The following SLIT3 variants were observed in gnomAD, a reference collection of about 807,000 sequenced individuals.
SLIT3 encodes slit homolog 3 protein.
A neutral mutation model predicts 184.0 loss-of-function variants in SLIT3; 68 were observed. The ratio of observed to expected loss-of-function variants is 0.37; its 90% CI spans 0.30 to 0.45. SLIT3 has a LOEUF of 0.45. SLIT3 is among the 20% of genes least tolerant of loss of function. The pLI is 1.00. For synonymous variants in SLIT3, 831 were observed against 828.6 expected (o/e 1.00, Z -0.05); for missense variants, 1,707 against 2,026.0 (o/e 0.84, Z 3.02).
chr5:168,886,880 A>T (rs996429544), intron 4 of SLIT3, among the ~76,000 whole-genome samples: 4 of 152,190 alleles, frequency 2.6e-5, no homozygotes, highest in Admixed American at 2.0e-4. Flanking sequence ...CCATCCAAAA[A>T]CACAAGACCA....
intron 4 of SLIT3, among the ~76,000 whole-genome samples, chr5:169,167,086 C>T (rs1269578703): frequency 2.0e-5 from 3 of 151,928 alleles, no homozygotes; most frequent in Admixed American, 6.5e-5. Context: ...GGGAGGATTG[C>T]TTGAACCCAG....
At chr5:168,815,952 T>C (rs971080448) in intron 8 of SLIT3, among the ~76,000 whole-genome samples, 14 of 152,344 alleles carry the variant, frequency 9.2e-5, no homozygotes, top group African/African-American at 3.4e-4. Context: ...CTCCCCAGAC[T>C]CAGCCTTTAG....
chr5:169,062,996 A>T (rs966741578), intron 4 of SLIT3, among the ~76,000 whole-genome samples: 2 of 152,244 alleles, frequency 1.3e-5, no homozygotes, highest in African/African-American at 4.8e-5. Context: ...CACATTTTGT[A>T]ATATAAACTG....
chr5:168,666,650 C>T lies in SLIT3; in HGVS notation c.4376G>A (p.Arg1459His), dbSNP rs377105365. Residue 1459 changes from arginine to histidine, a missense_variant, in exon 36 of 36, where the codon CGC becomes CAC. Physicochemically the swap from Arg to His is conservative, Grantham distance 29. Coordinates refer to ENST00000519560, the MANE Select transcript of SLIT3 (RefSeq NM_003062.4). Reference sequence around the variant, plus strand: ...ACATGATGCATAACCTTTCTGGCGGCGGATCACCTCTCGGACTACTTGTCC... The same window carrying T: ...ACATGATGCATAACCTTTCTGGCGGTGGATCACCTCTCGGACTACTTGTCC... ...CLGQVVREVI[R>H]RQKGYASCAT... 28 of 1,614,060 alleles carry T rather than the reference C, an allele frequency of 1.7e-5. No homozygotes were observed. The highest frequency in any genetic ancestry group is 1.6e-4 in the East Asian group (7 of 44,894).
chr5:168,792,631 C>T (rs1013811354), intron 10 of SLIT3, among the ~76,000 whole-genome samples: 2 of 152,156 alleles, frequency 1.3e-5, no homozygotes, highest in African/African-American at 4.8e-5. Flanking sequence ...GAATGAGTTG[C>T]TCTGCCTAAG....
chr5:169,065,885 T>C (rs1349599203), intron 4 of SLIT3, among the ~76,000 whole-genome samples: 1 of 152,238 alleles, frequency 6.6e-6, no homozygotes, highest in Non-Finnish European at 1.5e-5. Context: ...TTAGGTATCA[T>C]ACATATAGTC....
chr5:168,998,611 G>A (rs927068583), intron 4 of SLIT3, among the ~76,000 whole-genome samples: 1 of 152,118 alleles, frequency 6.6e-6, no homozygotes, highest in African/African-American at 2.4e-5. Context: ...GGCCGAGGCA[G>A]GAGAATCGCT....
intron 4 of SLIT3, among the ~76,000 whole-genome samples, chr5:168,964,631 T>A (rs1278390682): frequency 6.6e-6 from 1 of 152,202 alleles, no homozygotes; most frequent in East Asian, 1.9e-4. Context: ...TTAAACACAG[T>A]CAACCTTTCA....
chr5:168,993,296 G>C (rs770475252), intron 4 of SLIT3, among the ~76,000 whole-genome samples: 1 of 152,216 alleles, frequency 6.6e-6, no homozygotes, highest in African/African-American at 2.4e-5. Context: ...TGCACTCTCA[G>C]GGGGGCTCCG....
intron 4 of SLIT3, among the ~76,000 whole-genome samples, chr5:168,939,947 G>A (rs568599294): frequency 8.1e-4 from 123 of 152,282 alleles, no homozygotes; most frequent in African/African-American, 2.8e-3. Flanking sequence ...TGAGATTAGC[G>A]GTTAAGTTCT....
chr5:169,222,411 T>A (rs1764643383), intron 3 of SLIT3, among the ~76,000 whole-genome samples: 2 of 152,214 alleles, frequency 1.3e-5, no homozygotes, highest in Admixed American at 6.5e-5. Context: ...GTCTTTATAT[T>A]TCCCACCATT....
chr5:169,239,844 A>T (rs1017023376), intron 3 of SLIT3, among the ~76,000 whole-genome samples: 9 of 151,970 alleles, frequency 5.9e-5, no homozygotes, highest in Non-Finnish European at 1.3e-4. Context: ...TTTAATCAAG[A>T]TATGTGCTTC....
chr5:168,840,414 C>T (rs1187035939), intron 6 of SLIT3, among the ~76,000 whole-genome samples: 3 of 151,652 alleles, frequency 2.0e-5, no homozygotes, highest in African/African-American at 7.3e-5. Context: ...TTAACTTGTC[C>T]CTACTTTTTT....
intron 4 of SLIT3, among the ~76,000 whole-genome samples, chr5:169,185,707 C>T (rs982190176): frequency 1.1e-4 from 17 of 152,192 alleles, no homozygotes; most frequent in Non-Finnish European, 8.8e-5. Flanking sequence ...GAAAGCACTA[C>T]CTAGAGGTAC....
At chr5:169,079,965 G>A (rs962457819) in intron 4 of SLIT3, among the ~76,000 whole-genome samples, 1 of 150,412 alleles carries the variant, frequency 6.6e-6, no homozygotes, top group Non-Finnish European at 1.5e-5. Context: ...GGAAGAAGAG[G>A]AGGAGATTAT....
chr5:169,065,983 C>G (rs573555281), intron 4 of SLIT3, among the ~76,000 whole-genome samples: 1 of 152,276 alleles, frequency 6.6e-6, no homozygotes, highest in Admixed American at 6.5e-5. Context: ...AAAAAGTGTG[C>G]AAGGCAGGTG....
At chr5:168,883,635 C>T (rs2113791585) in intron 4 of SLIT3, among the ~76,000 whole-genome samples, 1 of 152,288 alleles carries the variant, frequency 6.6e-6, no homozygotes, top group East Asian at 1.9e-4. Context: ...ACACTGCACC[C>T]AATTCTCTGT....
In SLIT3 at chr5:168,817,287, A is replaced by T. The variant is rs758221943; in HGVS notation, c.793+13T>A. 3.7e-6 allele frequency: 6 copies of T among 1,612,966 alleles called. No homozygotes were observed. The Admixed American group carries it at 6.7e-5, about 18-fold the overall frequency. On this transcript the variant is annotated intron_variant, in intron 8 of 35. Coordinates refer to ENST00000519560, the MANE Select transcript of SLIT3 (RefSeq NM_003062.4). ...CATAGCACAGGAGGGGAGAGCAGGT[A>T]AAGCATCCTCACCTGGGCACACGTA...
chr5:168,927,745 TC>T (rs1163484430), intron 4 of SLIT3, among the ~76,000 whole-genome samples: 1 of 152,214 alleles, frequency 6.6e-6, no homozygotes, highest in African/African-American at 2.4e-5. Context: ...TTGTCAAAAC[TC>T]ACAATTACAT....
Sources: gnomAD v4.1 joint callset for allele counts (sites outside exome capture counted in the v4.1 genomes callset) on GRCh38, gnomAD v4.1.1 for gene constraint, MANE v1.5 for transcripts, NCBI Gene and HGNC (gene_info 2026-07-23, HGNC 2026-07-21) for gene names.